PXDN: variants seen among roughly 807,000 people sequenced by gnomAD.
PXDN encodes peroxidasin homolog.
PXDN carries 77 observed loss-of-function variants against 140.3 expected under a neutral mutation model. The ratio of observed to expected loss-of-function variants is 0.55; its 90% CI spans 0.46 to 0.66. The LOEUF is 0.66. Ranked by LOEUF, PXDN falls within the 30% of genes least tolerant of loss-of-function variation. PXDN has a pLI of 0.00. For synonymous variants in PXDN, 911 were observed against 857.4 expected, an observed-to-expected ratio of 1.06 and a Z score of -1.09; for missense variants, 1,838 against 2,039.5, an observed-to-expected ratio of 0.90 and a Z score of 1.90.
chr2:1,727,154 G>A (rs1685206073), intron 1 of PXDN, among the ~76,000 whole-genome samples: 1 of 152,180 alleles, frequency 6.6e-6, no homozygotes, highest in African/African-American at 2.4e-5. Flanking sequence ...AGCATATCAA[G>A]TAACCGCTGA....
chr2:1,679,446 G>C (rs187371203), intron 7 of PXDN, among the ~76,000 whole-genome samples: 1 of 149,926 alleles, frequency 6.7e-6, no homozygotes, highest in Admixed American at 6.7e-5. Context: ...GTGCGTGTGT[G>C]TGTGGATGGT....
At chr2:1,744,555 G>A, upstream of PXDN, 1 of 1,005,876 alleles carries the variant, frequency 9.9e-7, no homozygotes, top group Non-Finnish European at 1.3e-6. Flanking sequence ...TGTGCGCGGG[G>A]GGCGGGGGGC....
rs866955337 is a variant in PXDN, at chr2:1,634,118, C to G, written c.*86G>C. On this transcript the variant is annotated 3_prime_UTR_variant, in exon 23 of 23. Transcript: ENST00000252804. ...AAATGTCACGAGTTCTGGGTGTTTC[C>G]TGGTCTGCAGTCCGCAGCTCCCTGC... 2.3e-5 allele frequency: 35 copies of G among 1,516,338 alleles called. No homozygotes were observed. The highest frequency in any genetic ancestry group is 1.9e-4 in the Middle Eastern group (1 of 5,364). The allele number at this position is 1,516,338 out of a possible 1,614,324, so 93.9% of individuals were successfully genotyped here. A position where few individuals can be genotyped will look rare whatever the true frequency, so the allele number is the denominator to read the frequency against.
intron 1 of PXDN, among the ~76,000 whole-genome samples, chr2:1,710,726 C>A (rs1162747105): frequency 1.5e-5 from 2 of 133,930 alleles, no homozygotes; most frequent in African/African-American, 5.8e-5. Context: ...ACTCCACCAG[C>A]ACCCTCTCCA....
rs1296500975 is a variant in PXDN at position 1,648,045 on chromosome 2, A to C, written c.3608+127T>G. 1.5e-6 allele frequency: 2 copies of C among 1,292,892 alleles called. No homozygotes were observed. Among genetic ancestry groups the C allele is most frequent in the Non-Finnish European group, 2.2e-6 (2 of 929,652 alleles). The allele number at this position is 1,292,892 out of a possible 1,614,324, so 80.1% of individuals were successfully genotyped here. On this transcript the variant is annotated intron_variant, in intron 17 of 22. Coordinates refer to ENST00000252804, the MANE Select transcript of PXDN (RefSeq NM_012293.3). The surrounding 1 kb of genome is among the most constrained non-coding windows in gnomAD (Gnocchi z 8.9). Reference sequence around the variant, plus strand: ...TCCCATCTTGACCTTCATGGACTTGACCTTCATCTCACCTCTGCACGACAC... The same window carrying C: ...TCCCATCTTGACCTTCATGGACTTGCCCTTCATCTCACCTCTGCACGACAC...
At position 1,663,552 on chromosome 2, in the gene PXDN, C is replaced by G. The variant is rs891533411; in HGVS notation, c.1567+53G>C. ...ATGTCAGCTGCGGAATTCTGTGTTT[C>G]CTGATAACCGATCTGAGAAAATCAA... On this transcript the variant is annotated intron_variant, in intron 12 of 22. Coordinates refer to ENST00000252804, the MANE Select transcript of PXDN (RefSeq NM_012293.3). 235 of 1,595,796 alleles carry G rather than the reference C, an allele frequency of 1.5e-4. 1 individual carries two copies. In the Admixed American group the frequency reaches 3.8e-3, roughly 26 times the overall value.
At chr2:1,707,352 A>T (rs7568746) in intron 1 of PXDN, among the ~76,000 whole-genome samples, 336 of 3,568 alleles carry the variant, frequency 0.094, 42 homozygotes, top group Non-Finnish European at 0.14. Flanking sequence ...AATAATACAA[A>T]CTGAGAGCAC....
At chr2:1,678,023 G>C (rs959401336) in intron 7 of PXDN, among the ~76,000 whole-genome samples, 1 of 152,168 alleles carries the variant, frequency 6.6e-6, no homozygotes, top group Non-Finnish European at 1.5e-5. Context: ...CTGTCAGCAA[G>C]GGCTCCTCCA....
chr2:1,685,362 G>A lies in PXDN; in HGVS notation c.417-1211C>T, dbSNP rs974697695. 5.3e-5 allele frequency among the ~76,000 whole-genome samples: 8 copies of A among 152,226 alleles called. No homozygotes were observed. The highest frequency in any genetic ancestry group is 1.4e-4 in the African/African-American group (6 of 41,466). On this transcript the variant is annotated intron_variant, in intron 4 of 22. Transcript: ENST00000252804. This position sits in a 1 kb window ranked among gnomAD's most constrained non-coding sequence, Gnocchi z 5.1. ...CGAGCATGACGGGCGGGCACCTGAC[G>A]CGCGGGTCCCGAGGAAGGCCGAACC...
At chr2:1,680,747 A>T (rs112042136) in intron 6 of PXDN, among the ~76,000 whole-genome samples, 3 of 152,304 alleles carry the variant, frequency 2.0e-5, no homozygotes, top group African/African-American at 7.2e-5. Context: ...AATCAGTAAC[A>T]TGAAAACCAC....
At chr2:1,644,586 A>G in intron 18 of PXDN, 32 bp downstream of exon 18, 1 of 1,560,880 alleles carries the variant, frequency 6.4e-7, no homozygotes, top group Non-Finnish European at 8.7e-7. Flanking sequence ...GTGGCTTAGG[A>G]GCGTGCTCCC....
intron 18 of PXDN, 24 bp from the exon 19 acceptor site, chr2:1,643,600 G>A (rs1232924975): frequency 1.2e-6 from 2 of 1,612,266 alleles, no homozygotes; most frequent in African/African-American, 1.3e-5. Context: ...AATGAAAGCA[G>A]GATCAGAGAA....
At chr2:1,743,227 C>A (rs541447966) in intron 1 of PXDN, among the ~76,000 whole-genome samples, 4 of 152,164 alleles carry the variant, frequency 2.6e-5, no homozygotes, top group Non-Finnish European at 5.9e-5. Flanking sequence ...CGGGACGGCC[C>A]GCAGGACAGG....
chr2:1,677,091 A>G (rs913507491), intron 7 of PXDN, 47 bp from the exon 8 acceptor site: 2 of 1,459,298 alleles, frequency 1.4e-6, no homozygotes, highest in South Asian at 1.3e-5. Flanking sequence ...AAACCATGAC[A>G]TGAAAATAAA....
At chr2:1,670,571 T>C (rs1683550156) in intron 9 of PXDN, among the ~76,000 whole-genome samples, 1 of 152,140 alleles carries the variant, frequency 6.6e-6, no homozygotes, top group Non-Finnish European at 1.5e-5. Flanking sequence ...TTATAAAAAA[T>C]ACAGAAATGA....
Position 1,648,267 on chromosome 2 carries a change from G to A in PXDN, c.3513C>T (p.His1171=), listed in dbSNP as rs569573342. The change falls in exon 17 of 23, where the codon CAC becomes CAT. Residue 1171 remains histidine (H), a synonymous_variant. Transcript: ENST00000252804. The surrounding 1 kb of genome is among the most constrained non-coding windows in gnomAD (Gnocchi z 8.9). ...ATAGATTGCAGTAGACCCTGTAGTCGTGGTAGGGTGGGATCCCGTGGTCCC... is the reference window on the plus strand; with the variant it reads ...ATAGATTGCAGTAGACCCTGTAGTCATGGTAGGGTGGGATCCCGTGGTCCC... The part of the protein sequence containing the change: ...RGRDHGIPPY[H]DYRVYCNLSA... The A allele has an allele frequency of 2.7e-5, 43 of 1,613,976 alleles. No individual in the cohort carries two copies. The highest frequency in any genetic ancestry group is 1.6e-4 in the Middle Eastern group (1 of 6,062).
chr2:1,693,928 G>C (rs539172844), intron 1 of PXDN, among the ~76,000 whole-genome samples: 83 of 152,364 alleles, frequency 5.4e-4, no homozygotes, highest in African/African-American at 1.9e-3. Flanking sequence ...GGCAGCACAG[G>C]CAGCCAGGTC....
At chr2:1,664,787 G>A (rs556880236) in intron 11 of PXDN, 171 bp downstream of exon 11, 116 of 597,458 alleles carry the variant, frequency 1.9e-4, no homozygotes, top group African/African-American at 1.5e-3. Flanking sequence ...ACAGGAAGCC[G>A]CGGGGGATGT....
intron 1 of PXDN, among the ~76,000 whole-genome samples, chr2:1,730,057 A>G (rs1345427683): frequency 1.3e-5 from 2 of 152,248 alleles, no homozygotes; most frequent in Admixed American, 1.3e-4. Context: ...TAACAGGTAG[A>G]CAAATACTGC....
Sources: allele counts gnomAD v4.1 joint callset (sites outside exome capture counted in the v4.1 genomes callset), GRCh38; gene constraint gnomAD v4.1.1; non-coding constraint Gnocchi (gnomAD v3.1); transcripts MANE v1.5; gene names NCBI Gene and HGNC (gene_info 2026-07-23, HGNC 2026-07-21).